Variants in EPHA6 observed in about 807,000 individuals in gnomAD.
The protein encoded by EPHA6 is EPH receptor A6.
Under a neutral mutation model 112.0 loss-of-function variants are expected in EPHA6, and 50 were observed. The ratio of observed to expected loss-of-function variants is 0.45; its 90% confidence interval spans 0.36 to 0.56. The LOEUF (loss-of-function observed/expected upper bound fraction) is 0.56. EPHA6 is among the 20% of genes least tolerant of loss of function. EPHA6 has a pLI of 0.00. For missense variants in EPHA6, 1,280 were observed against 1,417.4 expected, an observed-to-expected ratio of 0.90 and a Z score of 1.56; for synonymous variants, 529 against 490.7, an observed-to-expected ratio of 1.08 and a Z score of -1.03.
intron 16 of EPHA6, among the ~76,000 whole-genome samples, chr3:97,743,653 T>C (rs909299381): frequency 1.3e-5 from 2 of 152,116 alleles, no homozygotes; most frequent in African/African-American, 2.4e-5. Flanking sequence ...ACCCTATCTG[T>C]ACATTTCTGC....
intron 14 of EPHA6, among the ~76,000 whole-genome samples, chr3:97,700,134 C>T (rs970616450): frequency 6.6e-6 from 1 of 152,220 alleles, no homozygotes; most frequent in Non-Finnish European, 1.5e-5. Flanking sequence ...TGTTCGCTAA[C>T]CATGAAGAAC....
At chr3:96,903,938 A>G (rs1349239577) in intron 2 of EPHA6, among the ~76,000 whole-genome samples, 1 of 152,202 alleles carries the variant, frequency 6.6e-6, no homozygotes, top group African/African-American at 2.4e-5. Context: ...AATGGCAATC[A>G]TTAAAAAGTC....
At chr3:97,457,755 C>T (rs1447630325) in intron 7 of EPHA6, among the ~76,000 whole-genome samples, 3 of 151,916 alleles carry the variant, frequency 2.0e-5, no homozygotes, top group Non-Finnish European at 4.4e-5. Flanking sequence ...TCCACAAAGT[C>T]CTGTATGAAG....
intron 2 of EPHA6, among the ~76,000 whole-genome samples, chr3:96,894,881 T>A (rs994783224): frequency 6.6e-6 from 1 of 152,200 alleles, no homozygotes; most frequent in Non-Finnish European, 1.5e-5. Flanking sequence ...AAGTGTTTAG[T>A]AGAAGCTTTT....
Position 97,756,098 on chromosome 3 carries a change from A to T in EPHA6, c.*7397A>T, listed in dbSNP as rs977652296. Among the ~76,000 whole-genome samples, 8 of 151,960 alleles carry T rather than the reference A, an allele frequency of 5.3e-5. No individual in the cohort carries two copies. The highest frequency in any genetic ancestry group is 2.0e-4 in the Admixed American group (3 of 15,270). On this transcript the variant is annotated 3_prime_UTR_variant, in exon 18 of 18. Transcript: ENST00000389672. ...ATAATATAATTCTTCATATTAGTTT[A>T]TTTTTCAAAGTAGTAACTTTTGCTA... is the stretch of plus-strand genomic sequence containing the variant.
At chr3:97,470,283 T>C (rs2091189074) in intron 7 of EPHA6, among the ~76,000 whole-genome samples, 3 of 151,772 alleles carry the variant, frequency 2.0e-5, no homozygotes, top group Non-Finnish European at 3.0e-5. Flanking sequence ...CATGGCTTTG[T>C]TGAGATTTGT....
intron 3 of EPHA6, among the ~76,000 whole-genome samples, chr3:97,164,524 A>G (rs1281016888): frequency 1.3e-5 from 2 of 152,038 alleles, no homozygotes; most frequent in Non-Finnish European, 2.9e-5. Flanking sequence ...TGTCCTTTAA[A>G]ATTGCAAAAA....
chr3:97,490,199 A>G (rs149438991), intron 10 of EPHA6, among the ~76,000 whole-genome samples: 44 of 152,324 alleles, frequency 2.9e-4, no homozygotes, highest in African/African-American at 9.9e-4. Context: ...CTGGTTGCCA[A>G]CAAAAATCTT....
At chr3:96,858,383 C>A (rs1304405438) in intron 1 of EPHA6, among the ~76,000 whole-genome samples, 1 of 152,018 alleles carries the variant, frequency 6.6e-6, no homozygotes, top group East Asian at 1.9e-4. Context: ...AGTATTAAAG[C>A]AAAGTATAGA....
At chr3:97,115,505 T>C (rs1339034864) in intron 3 of EPHA6, among the ~76,000 whole-genome samples, 1 of 151,816 alleles carries the variant, frequency 6.6e-6, no homozygotes, top group Admixed American at 6.6e-5. Context: ...TCACCTTCCA[T>C]GTGACTTTGG....
chr3:97,575,563 G>T (rs1431280595), intron 11 of EPHA6, among the ~76,000 whole-genome samples: 1 of 152,128 alleles, frequency 6.6e-6, no homozygotes, highest in Non-Finnish European at 1.5e-5. Context: ...GACAGCAGAG[G>T]GCTGGGATTA....
At chr3:96,933,165 G>T (rs189153770) in intron 2 of EPHA6, among the ~76,000 whole-genome samples, 6 of 152,204 alleles carry the variant, frequency 3.9e-5, no homozygotes, top group Admixed American at 3.3e-4. Context: ...TTCGAAATTA[G>T]CCTCTGGAAT....
chr3:97,756,534 T>C lies in EPHA6; in HGVS notation c.*7833T>C, dbSNP rs1361775305. Among the ~76,000 whole-genome samples, 3 of 151,938 alleles carry C rather than the reference T, an allele frequency of 2.0e-5. No homozygotes were observed. Among genetic ancestry groups the C allele is most frequent in the African/African-American group, 7.2e-5 (3 of 41,438 alleles). ...GTTTAATGTGTATAAATGTTTGTCA[T>C]TGAAGTTTGGAATTTATTTTAATGT... On this transcript the variant is annotated 3_prime_UTR_variant, in exon 18 of 18. Coordinates refer to ENST00000389672, the MANE Select transcript of EPHA6 (RefSeq NM_001080448.3).
intron 11 of EPHA6, among the ~76,000 whole-genome samples, chr3:97,581,845 C>G (rs1159889018): frequency 2.0e-5 from 3 of 152,180 alleles, no homozygotes; most frequent in African/African-American, 7.2e-5. Flanking sequence ...AATAAAAAGC[C>G]TCTTAGAAGA....
intron 7 of EPHA6, among the ~76,000 whole-genome samples, chr3:97,465,207 C>T (rs945456838): frequency 1.3e-5 from 2 of 151,940 alleles, no homozygotes; most frequent in African/African-American, 4.8e-5. Context: ...TTTGTAGATC[C>T]TAATATTAAG....
chr3:97,602,494 G>C (rs2093650879), intron 12 of EPHA6, among the ~76,000 whole-genome samples: 1 of 151,968 alleles, frequency 6.6e-6, no homozygotes, highest in Non-Finnish European at 1.5e-5. Flanking sequence ...TTTACTTTGG[G>C]GTATAAGGAG....
In EPHA6 at chr3:97,201,822, T is replaced by TA. The variant is rs1423630279; in HGVS notation, c.1115-24441dup. On this transcript the variant is annotated intron_variant, in intron 3 of 17. Coordinates refer to ENST00000389672, the MANE Select transcript of EPHA6 (RefSeq NM_001080448.3). The stretch of plus-strand genomic sequence containing the variant: ...AAGTGCTGTTATATGCAGCAACACA[T>TA]AGGCCTTGCATTTCCCAATGCCCAG... Among the ~76,000 whole-genome samples, 3 of 152,234 alleles carry TA rather than the reference T, an allele frequency of 2.0e-5. No homozygotes were observed. In the East Asian group the frequency reaches 5.8e-4, roughly 29 times the overall value.
rs2035905314 is a variant in EPHA6 at position 97,751,698 on chromosome 3, G to A, written c.*2997G>A. Reference sequence around the variant, plus strand: ...TAATTAAATCTGTTTAATATGCAAAGCATAAAACTTAATTATAAAAAGAAA... The same window carrying A: ...TAATTAAATCTGTTTAATATGCAAAACATAAAACTTAATTATAAAAAGAAA... On this transcript the variant is annotated 3_prime_UTR_variant, in exon 18 of 18. Transcript: ENST00000389672. 3.9e-5 allele frequency among the ~76,000 whole-genome samples: 6 copies of A among 152,082 alleles called. No homozygotes were observed. The South Asian group carries it at 1.0e-3, about 26-fold the overall frequency.
intron 2 of EPHA6, among the ~76,000 whole-genome samples, chr3:96,950,811 G>T (rs1186747053): frequency 1.3e-5 from 2 of 151,976 alleles, no homozygotes; most frequent in African/African-American, 2.4e-5. Flanking sequence ...TGATATGCCA[G>T]TTTTTTACTA....
Sources: allele counts gnomAD v4.1 joint callset (sites outside exome capture counted in the v4.1 genomes callset), GRCh38; gene constraint gnomAD v4.1.1; transcripts MANE v1.5; gene names NCBI Gene and HGNC (gene_info 2026-07-23, HGNC 2026-07-21).